Variants in IRF8 observed in about 807,000 individuals in gnomAD.
The protein encoded by IRF8 is interferon regulatory factor 8.
IRF8 carries 14 observed loss-of-function variants against 48.7 expected under a neutral mutation model. That is an observed-to-expected ratio of 0.29 (90% CI 0.19 to 0.45). The LOEUF (loss-of-function observed/expected upper bound fraction) is 0.45. Ranked by LOEUF, IRF8 falls within the 20% of genes least tolerant of loss-of-function variation. The probability of loss-of-function intolerance (pLI) is 1.00; values close to 1 mark genes in which losing one functional copy is unlikely to be tolerated. For missense variants in IRF8, 493 were observed against 580.7 expected (o/e 0.85, Z 1.55); for synonymous variants, 278 against 227.3 (o/e 1.22, Z -2.01).
chr16:85,902,632 C>A (rs928307469), intron 1 of IRF8: 3 of 312,732 alleles, frequency 9.6e-6, no homozygotes, highest in Admixed American at 4.2e-5. Context: ...AGTGAAGGAA[C>A]CTGGTGCTGT....
At chr16:85,916,072 G>T (rs1459581359) in intron 6 of IRF8, among the ~76,000 whole-genome samples, 1 of 152,196 alleles carries the variant, frequency 6.6e-6, no homozygotes, top group South Asian at 2.1e-4. Flanking sequence ...CATAGTCTGT[G>T]GTTTATAACT....
intron 2 of IRF8, among the ~76,000 whole-genome samples, chr16:85,905,317 G>A (rs540479942): frequency 8.5e-5 from 13 of 152,316 alleles, no homozygotes; most frequent in Admixed American, 6.5e-4. Flanking sequence ...TGACGGAGAC[G>A]AAGCTTCTCC....
rs563444800 is a variant in IRF8, at chr16:85,921,375, T to C, written c.*93T>C. On this transcript the variant is annotated 3_prime_UTR_variant, in exon 9 of 9. Transcript: ENST00000268638. ...CATGATTAAAGAATGTGGATCCCTC[T>C]GTCTGGGGTGGGATGCCTTACTTTG... 11 of 1,347,472 alleles carry C rather than the reference T, an allele frequency of 8.2e-6. No homozygotes were observed. In the South Asian group the frequency reaches 1.3e-4, roughly 16 times the overall value. 83.5% of individuals were successfully genotyped at this position (1,347,472 alleles called of 1,614,324 possible). A position where few individuals can be genotyped will look rare whatever the true frequency, so the allele number is the denominator to read the frequency against.
chr16:85,911,781 G>T lies in IRF8; in HGVS notation c.447+123G>T. The T allele has an allele frequency of 3.9e-6, 3 of 772,070 alleles. No homozygotes were observed. In the Admixed American group the frequency reaches 6.1e-5, roughly 16 times the overall value. 47.8% of individuals were successfully genotyped at this position (772,070 alleles called of 1,614,324 possible). The stretch of plus-strand genomic sequence containing the variant: ...AGACCCTCGGGCTCGCTGAGGAAGT[G>T]GCATCTCCACCTGTACAGATCTGGA... On this transcript the variant is annotated intron_variant, in intron 4 of 8. Transcript: ENST00000268638.
At position 85,918,442 on chromosome 16, in the gene IRF8, C is replaced by T; in HGVS notation, c.627C>T (p.Phe209=). 6.3e-7 allele frequency: 1 copy of T among 1,594,394 alleles called. No homozygotes were observed. The highest frequency in any genetic ancestry group is 8.5e-7 in the Non-Finnish European group (1 of 1,177,678). ...HSAFSQMVIS[F]YYGGKLVGQA... is the part of the protein sequence containing the mutation. ...CATTCTCCCAGATGGTGATCAGCTT[C>T]TACTATGGGGGCAAGCTGGTGGGCC... The change falls in exon 7 of 9, where the codon TTC becomes TTT. Residue 209 remains phenylalanine (F), a synonymous_variant. Transcript: ENST00000268638.
chr16:85,914,484 G>C lies in IRF8; in HGVS notation c.565G>C (p.Val189Leu). ...TGTTTCTCCTGCAGGCGTGCCGCTGGTGACGGGGTACACCACCTACGACGC... is the reference window on the plus strand; with the variant it reads ...TGTTTCTCCTGCAGGCGTGCCGCTGCTGACGGGGTACACCACCTACGACGC... ...AQQPSTGVPL[V>L]TGYTTYDAHH... The change falls in exon 6 of 9, where the codon GTG becomes CTG. Residue 189 changes from valine to leucine, a missense_variant. Val to Leu is a conservative substitution (Grantham distance 32). This residue lies in a region of IRF8 where 408 missense variants were observed against 449.6 expected (regional missense o/e 0.91). Coordinates refer to ENST00000268638, the MANE Select transcript of IRF8 (RefSeq NM_002163.4). 1 of 1,614,198 alleles carries C rather than the reference G, an allele frequency of 6.2e-7. No homozygotes were observed. The highest frequency in any genetic ancestry group is 8.5e-7 in the Non-Finnish European group (1 of 1,180,024).
intron 1 of IRF8, among the ~76,000 whole-genome samples, chr16:85,899,594 A>T (rs1904760640): frequency 6.6e-6 from 1 of 152,324 alleles, no homozygotes; most frequent in African/African-American, 2.4e-5. Context: ...ACCACGTGGA[A>T]TAATGCTTGG....
Position 85,920,164 on chromosome 16 carries a change from G to A in IRF8, c.1044G>A (p.Leu348=). ...GGCTTCCTGACGGCAGGGTGGTGCTGTGCTTTGGGGAAGAGTTTCCGGATA... is the reference window on the plus strand; with the variant it reads ...GGCTTCCTGACGGCAGGGTGGTGCTATGCTTTGGGGAAGAGTTTCCGGATA... ...QGRLPDGRVV[L]CFGEEFPDMA... is the part of the protein sequence containing the mutation. Residue 348 remains leucine, a synonymous_variant, in exon 8 of 9, where the codon CTG becomes CTA. Coordinates refer to ENST00000268638, the MANE Select transcript of IRF8 (RefSeq NM_002163.4). 3.7e-6 allele frequency: 6 copies of A among 1,612,610 alleles called. No homozygotes were observed. Among genetic ancestry groups the A allele is most frequent in the Non-Finnish European group, 5.1e-6 (6 of 1,179,274 alleles).
rs759300532 is a variant in IRF8 at position 85,913,279 on chromosome 16, A to G, written c.553+43A>G. The G allele has an allele frequency of 1.4e-5, 20 of 1,390,920 alleles. No individual in the cohort carries two copies. The Admixed American group carries it at 3.3e-4, about 23-fold the overall frequency. 86.2% of individuals were successfully genotyped at this position (1,390,920 alleles called of 1,614,324 possible). A position where few individuals can be genotyped will look rare whatever the true frequency, so the allele number is the denominator to read the frequency against. ...AGAATTGTCACCAGGCATGGCCTGA[A>G]GGGTTTACGGCATTCCACCAGCCAG... On this transcript the variant is annotated intron_variant, in intron 5 of 8. Transcript: ENST00000268638.
intron 4 of IRF8, 102 bp from the exon 5 acceptor site, chr16:85,913,029 T>C (rs2152101911): frequency 1.1e-6 from 1 of 883,988 alleles, no homozygotes; most frequent in South Asian, 1.3e-5. Context: ...GGTGACAATA[T>C]GGTTTTACTT....
At chr16:85,915,315 A>T (rs1905268453) in intron 6 of IRF8, among the ~76,000 whole-genome samples, 1 of 152,214 alleles carries the variant, frequency 6.6e-6, no homozygotes, top group Non-Finnish European at 1.5e-5. Flanking sequence ...GGAGGCGAGC[A>T]GCTGGTCTCA....
chr16:85,921,302 CA>C lies in IRF8; in HGVS notation c.*21del, dbSNP rs772087068. ...GTCTAAGTGCGTCGCTTGGGCGCCC[CA>C]CCCCGTCTGCGTCCTGCATCCATCT... On this transcript the variant is annotated 3_prime_UTR_variant, in exon 9 of 9. Transcript: ENST00000268638. 4.3e-6 allele frequency: 7 copies of C among 1,611,416 alleles called. No individual in the cohort carries two copies. Among genetic ancestry groups the C allele is most frequent in the Non-Finnish European group, 5.9e-6 (7 of 1,179,294 alleles).
Position 85,921,180 on chromosome 16 carries a change from C to T in IRF8, c.1179C>T (p.Ala393=). ...GTGGAGCCGGCTCTGTGATGCAGGC[C>T]CCCGAGGAGCCGCCGCCAGACCAGG... is the stretch of plus-strand genomic sequence containing the variant. ...KSCGAGSVMQ[A]PEEPPPDQVF... Residue 393 remains alanine, a synonymous_variant, in exon 9 of 9, where the codon GCC becomes GCT. Transcript: ENST00000268638. The T allele has an allele frequency of 1.2e-6, 2 of 1,614,186 alleles. No homozygotes were observed. The highest frequency in any genetic ancestry group is 1.3e-5 in the African/African-American group (1 of 75,060).
chr16:85,918,896 C>T (rs1905429644), intron 7 of IRF8, 93 bp downstream of exon 7: 3 of 1,502,264 alleles, frequency 2.0e-6, no homozygotes, highest in South Asian at 2.3e-5. Flanking sequence ...CCTGTGGTCT[C>T]ATGGAGGGAT....
rs185390493 is a variant in IRF8 at position 85,913,501 on chromosome 16, C to T, written c.553+265C>T. Among the ~76,000 whole-genome samples, 1,024 of 152,330 alleles carry T rather than the reference C, an allele frequency of 6.7e-3. 19 individuals carry two copies. Among genetic ancestry groups the T allele is most frequent in the Admixed American group, 0.044 (669 of 15,304 alleles). On this transcript the variant is annotated intron_variant, in intron 5 of 8. Coordinates refer to ENST00000268638, the MANE Select transcript of IRF8 (RefSeq NM_002163.4). ...TAGGTGATGTCCATGCCAGCTCTCC[C>T]CACGCTCCTGGGAAAGTCCAGGGAA...
chr16:85,909,357 G>C, intron 3 of IRF8, 184 bp downstream of exon 3: 1 of 635,862 alleles, frequency 1.6e-6, no homozygotes, highest in Non-Finnish European at 2.8e-6. Context: ...AGGGAAGGGC[G>C]GAGGAGATTG....
intron 7 of IRF8, 96 bp downstream of exon 7, chr16:85,918,899 GGAGGGATGTGGAGGAGGAGT>G: frequency 6.9e-7 from 1 of 1,452,002 alleles, no homozygotes; most frequent in Non-Finnish European, 9.5e-7. Context: ...GTGGTCTCAT[GGAGGGATGTGGAGGAGGAGT>G]GAGGGGCATG....
intron 3 of IRF8, among the ~76,000 whole-genome samples, 197 bp from the exon 4 acceptor site, chr16:85,911,373 C>A (rs1427157215): frequency 3.3e-5 from 5 of 152,200 alleles, no homozygotes; most frequent in African/African-American, 7.2e-5. Context: ...ACCACCACCA[C>A]CAACTTCTCT....
intron 3 of IRF8, 63 bp from the exon 4 acceptor site, chr16:85,911,507 G>A (rs1477948864): frequency 4.5e-6 from 6 of 1,326,974 alleles, no homozygotes; most frequent in Non-Finnish European, 6.5e-6. Context: ...GTAGATTATG[G>A]CTTCAGCAAA....
Sources: allele counts gnomAD v4.1 joint callset (sites outside exome capture counted in the v4.1 genomes callset), GRCh38; gene constraint gnomAD v4.1.1; regional missense constraint gnomAD v4.1.1; transcripts MANE v1.5; gene names NCBI Gene and HGNC (gene_info 2026-07-23, HGNC 2026-07-21).